Variants in MCF2L observed in about 807,000 individuals in gnomAD.
MCF2L encodes the protein guanine nucleotide exchange factor DBS.
A neutral mutation model predicts 153.4 loss-of-function variants in MCF2L; 97 were observed. That is an observed-to-expected ratio of 0.63 (90% confidence interval 0.54 to 0.75). The LOEUF is 0.75. Among genes scored for constraint, MCF2L ranks in the 30% least tolerant of loss-of-function variants. MCF2L has a pLI of 0.00. For missense variants in MCF2L, 1,347 were observed against 1,495.2 expected, an observed-to-expected ratio of 0.90 and a Z score of 1.64; for synonymous variants, 659 against 632.2, an observed-to-expected ratio of 1.04 and a Z score of -0.64.
intron 1 of MCF2L, among the ~76,000 whole-genome samples, chr13:112,985,956 C>T (rs1362760679): frequency 2.6e-5 from 4 of 152,214 alleles, no homozygotes; most frequent in African/African-American, 9.6e-5. Flanking sequence ...CAGAGCTTCC[C>T]ACGGTCAGCC....
intron 1 of MCF2L, among the ~76,000 whole-genome samples, chr13:112,986,842 C>G (rs1052253671): frequency 6.6e-6 from 1 of 152,188 alleles, no homozygotes; most frequent in Non-Finnish European, 1.5e-5. Context: ...GTGGCGCGTA[C>G]GCTGCACTCT....
rs2033244855 is a variant in MCF2L, at chr13:113,074,532, G to A, written c.1085G>A (p.Arg362Lys). 1.2e-6 allele frequency: 2 copies of A among 1,614,050 alleles called. No homozygotes were observed. The highest frequency in any genetic ancestry group is 1.7e-6 in the Non-Finnish European group (2 of 1,180,010). The change falls in exon 10 of 30, where the codon AGG (arginine) becomes AAG (lysine). Residue 362 changes from arginine to lysine, a missense_variant. Arg to Lys is a conservative substitution (Grantham distance 26). This residue lies in a region of MCF2L where 820 missense variants were observed against 921.2 expected (regional missense o/e 0.89). Transcript: ENST00000535094. The surrounding 1 kb of genome is among the most constrained non-coding windows in gnomAD (Gnocchi z 4.2). ...NSLAHVEHLL[R>K]DLASFEEKSG... ...CTGGCGCATGTGGAGCACCTGCTGAGGGACCTGGCCAGCTTCGAGGAGAAA... is the reference window on the plus strand; with the variant it reads ...CTGGCGCATGTGGAGCACCTGCTGAAGGACCTGGCCAGCTTCGAGGAGAAA...
intron 2 of MCF2L, 68 bp from the exon 3 acceptor site, chr13:113,024,560 TGCTGATGAAAACGGGC>T: frequency 3.9e-6 from 3 of 773,960 alleles, no homozygotes; most frequent in Non-Finnish European, 6.9e-6. Flanking sequence ...AAATACTGGG[TGCTGATGAAAACGGGC>T]CGACATCTGT....
Position 113,031,098 on chromosome 13 carries a change from GAC to G in MCF2L, c.278+6342_278+6343del, listed in dbSNP as rs770339955. Among the ~76,000 whole-genome samples the G allele has an allele frequency of 6.7e-6, 1 of 150,058 alleles. No homozygotes were observed. The highest frequency in any genetic ancestry group is 1.5e-5 in the Non-Finnish European group (1 of 67,898). The stretch of plus-strand genomic sequence containing the variant: ...ACAGACAGATACAGACAGAGACAGA[GAC>G]AGAGAGAGACAGAGACAGAGAGTGA... On this transcript the variant is annotated intron_variant, in intron 3 of 29. Transcript: ENST00000535094. This position sits in a 1 kb window ranked among gnomAD's most constrained non-coding sequence, Gnocchi z 5.5.
chr13:112,971,053 A>C, intron 1 of MCF2L, among the ~76,000 whole-genome samples: 1 of 152,174 alleles, frequency 6.6e-6, no homozygotes, highest in East Asian at 1.9e-4. Context: ...CCACCCATTA[A>C]CACTGGCCTC....
chr13:112,995,494 G>A (rs1214692795), intron 1 of MCF2L, among the ~76,000 whole-genome samples: 4 of 152,206 alleles, frequency 2.6e-5, no homozygotes, highest in Non-Finnish European at 5.9e-5. Context: ...CTGGGTGGCA[G>A]TGTCTCAGGG....
chr13:112,938,408 C>T (rs2081544214), intron 2 of MCF2L, among the ~76,000 whole-genome samples: 1 of 152,012 alleles, frequency 6.6e-6, no homozygotes, highest in Admixed American at 6.6e-5. Flanking sequence ...AGGCATGTGG[C>T]TTATTGTCAG....
rs182966802 is a variant in MCF2L, at chr13:113,071,891, T to A, written c.996+1718T>A. Among the ~76,000 whole-genome samples, 420 of 152,368 alleles carry A rather than the reference T, an allele frequency of 2.8e-3. 2 individuals carry two copies. The highest frequency in any genetic ancestry group is 9.8e-3 in the African/African-American group (409 of 41,576). ...CAATTTTAAAATTATCTTGTCTACA[T>A]ATATGAAAACAAATTTCCTGGGGTT... is the stretch of plus-strand genomic sequence containing the variant. On this transcript the variant is annotated intron_variant, in intron 9 of 29. Coordinates refer to ENST00000535094, the MANE Select transcript of MCF2L (RefSeq NM_001112732.3).
At chr13:112,968,586 C>T (rs1336351662), upstream of MCF2L, 2 of 1,538,318 alleles carry the variant, frequency 1.3e-6, no homozygotes, top group African/African-American at 2.7e-5. Context: ...CACGGACCCA[C>T]GCATGGACCC....
chr13:112,965,358 A>G (rs2081880393), upstream of MCF2L: 2 of 152,220 alleles, frequency 1.3e-5, no homozygotes, highest in Admixed American at 1.3e-4. Flanking sequence ...CCGCTGCAGC[A>G]TGAGCTCTGG....
intron 7 of MCF2L, 111 bp from the exon 8 acceptor site, chr13:113,065,935 C>A (rs2032290452): frequency 8.5e-7 from 1 of 1,173,624 alleles, no homozygotes; most frequent in Non-Finnish European, 1.2e-6. Flanking sequence ...CGGGGATTGA[C>A]CCCTTCCTCA....
intron 2 of MCF2L, among the ~76,000 whole-genome samples, chr13:112,962,227 A>T (rs1365621902): frequency 5.0e-5 from 1 of 20,024 alleles, no homozygotes; most frequent in African/African-American, 1.5e-4. Flanking sequence ...AGTCACACTT[A>T]CACATGCACA....
intron 2 of MCF2L, among the ~76,000 whole-genome samples, chr13:112,952,314 A>G (rs928033246): frequency 5.3e-5 from 8 of 152,160 alleles, no homozygotes; most frequent in African/African-American, 1.7e-4. Flanking sequence ...GAGACCTTGC[A>G]GCCCCACCCC....
intron 16 of MCF2L, among the ~76,000 whole-genome samples, chr13:113,081,969 G>A: frequency 6.7e-6 from 1 of 149,766 alleles, no homozygotes; most frequent in South Asian, 2.1e-4. Context: ...GTGTGCACAT[G>A]TGATCACCTG....
intron 1 of MCF2L, among the ~76,000 whole-genome samples, chr13:112,978,879 C>A (rs2993280): frequency 6.6e-6 from 1 of 152,062 alleles, no homozygotes; most frequent in Non-Finnish European, 1.5e-5. Context: ...GCTGTGAGGC[C>A]TGGAGCCCTG....
At position 113,065,021 on chromosome 13, in the gene MCF2L, C is replaced by A; in HGVS notation, c.692C>A (p.Pro231His). The change falls in exon 7 of 30, where the codon CCC becomes CAC. Residue 231 changes from proline (P) to histidine (H), a missense_variant. Pro to His is a moderately conservative substitution (Grantham distance 77). Coordinates refer to ENST00000535094, the MANE Select transcript of MCF2L (RefSeq NM_001112732.3). ...ACCGAGCTGGCTGAAACAGAGCTGC[C>A]CAATGACGTCCAGTCGACAAGCTCA... Reference protein sequence around the residue: ...FGTELAETELPNDVQSTSSVL... With the variant: ...FGTELAETELHNDVQSTSSVL... 1 of 1,612,746 alleles carries A rather than the reference C, an allele frequency of 6.2e-7. No homozygotes were observed. Among genetic ancestry groups the A allele is most frequent in the Non-Finnish European group, 8.5e-7 (1 of 1,179,974 alleles).
intron 2 of MCF2L, chr13:112,957,794 C>T (rs2081776903): frequency 6.6e-6 from 1 of 152,130 alleles, no homozygotes; most frequent in South Asian, 2.1e-4. Flanking sequence ...GGGAATTCTG[C>T]TTTGGTGGAT....
intron 1 of MCF2L, among the ~76,000 whole-genome samples, chr13:112,985,685 C>T (rs1268821512): frequency 6.6e-6 from 1 of 152,168 alleles, no homozygotes; most frequent in Non-Finnish European, 1.5e-5. Flanking sequence ...ATCATCTGAT[C>T]CTAATTTATG....
chr13:112,994,657 C>A (rs536697195), intron 1 of MCF2L, among the ~76,000 whole-genome samples: 3 of 152,328 alleles, frequency 2.0e-5, no homozygotes, highest in African/African-American at 7.2e-5. Context: ...GCGGTGAGGC[C>A]GCGCGATGTC....
Sources: gnomAD v4.1 joint callset for allele counts (sites outside exome capture counted in the v4.1 genomes callset) on GRCh38, gnomAD v4.1.1 for gene constraint, gnomAD v4.1.1 regional missense constraint, Gnocchi (gnomAD v3.1) non-coding constraint, MANE v1.5 for transcripts, NCBI Gene and HGNC (gene_info 2026-07-23, HGNC 2026-07-21) for gene names.